The following TDRD5 variants were observed in gnomAD, a reference collection of about 807,000 sequenced individuals.
TDRD5 encodes the protein tudor domain containing 5.
A neutral mutation model predicts 120.6 loss-of-function variants in TDRD5; 41 were observed. The observed-to-expected ratio is 0.34, with a 90% CI of 0.26 to 0.44. The LOEUF is 0.44. TDRD5 is among the 20% of genes least tolerant of loss of function. The probability of loss-of-function intolerance (pLI) is 1.00; values close to 1 mark genes in which losing one functional copy is unlikely to be tolerated. For missense variants in TDRD5, 1,006 were observed against 1,221.2 expected (o/e 0.82, Z 2.63); for synonymous variants, 430 against 433.7 (o/e 0.99, Z 0.11).
intron 2 of TDRD5, among the ~76,000 whole-genome samples, chr1:179,593,078 A>G (rs750276452): frequency 2.0e-5 from 3 of 152,226 alleles, no homozygotes; most frequent in Non-Finnish European, 2.9e-5. Context: ...ATTTTTACAT[A>G]TGATTTCAGG....
At chr1:179,621,173 G>T in intron 6 of TDRD5, 82 bp downstream of exon 6, 1 of 1,211,232 alleles carries the variant, frequency 8.3e-7, no homozygotes, top group Non-Finnish European at 1.2e-6. Flanking sequence ...GCTACTCCTT[G>T]GATTCTCCAG....
Position 179,648,340 on chromosome 1 carries a change from C to T in TDRD5, c.1801-2527C>T, listed in dbSNP as rs528760819. Among the ~76,000 whole-genome samples, 667 of 142,404 alleles carry T rather than the reference C, an allele frequency of 4.7e-3. 5 individuals are homozygous for T. Among genetic ancestry groups the T allele is most frequent in the Non-Finnish European group, 7.3e-3 (471 of 64,792 alleles). 93.4% of individuals were successfully genotyped at this position (142,404 alleles called of 152,430 possible). Reference sequence around the variant, plus strand: ...GAAATCATCATTCTCAGTAAACTATCGCAAGAACAGAAAACCAAACACCGC... The same window carrying T: ...GAAATCATCATTCTCAGTAAACTATTGCAAGAACAGAAAACCAAACACCGC... On this transcript the variant is annotated intron_variant, in intron 11 of 17. Transcript: ENST00000444136.
In TDRD5 at chr1:179,634,539, G is replaced by T. The variant is rs373662989; in HGVS notation, c.1209G>T (p.Glu403Asp). The T allele has an allele frequency of 6.2e-7, 1 of 1,613,924 alleles. No homozygotes were observed. Among genetic ancestry groups the T allele is most frequent in the African/African-American group, 1.3e-5 (1 of 74,992 alleles). Reference protein sequence around the residue: ...RNSLSTAAVKETVWNCPSKKQ... With the variant: ...RNSLSTAAVKDTVWNCPSKKQ... ...CATTGTCTACTGCTGCTGTCAAAGA[G>T]ACTGTATGGAATTGCCCTTCAAAAA... Residue 403 changes from glutamate to aspartate, a missense_variant, in exon 8 of 18, where the codon GAG becomes GAT. This residue lies in a region of TDRD5 where 445 missense variants were observed against 515.5 expected (regional missense o/e 0.86). Transcript: ENST00000444136.
chr1:179,592,522 T>C (rs1675165840), intron 1 of TDRD5, 80 bp from the exon 2 acceptor site: 1 of 1,128,892 alleles, frequency 8.9e-7, no homozygotes. Flanking sequence ...TCTCAGTTAT[T>C]TGTATCCCAC....
At chr1:179,634,889 C>T (rs1023944608) in intron 8 of TDRD5, among the ~76,000 whole-genome samples, 2 of 152,164 alleles carry the variant, frequency 1.3e-5, no homozygotes, top group South Asian at 4.1e-4. Flanking sequence ...CTCATGATGT[C>T]TTGAAAACCC....
At chr1:179,600,399 A>G (rs960749559) in intron 4 of TDRD5, among the ~76,000 whole-genome samples, 2 of 152,208 alleles carry the variant, frequency 1.3e-5, no homozygotes, top group African/African-American at 2.4e-5. Flanking sequence ...GTACAGTAAC[A>G]TGCTGTACAG....
At chr1:179,614,288 A>G (rs1676444158) in intron 4 of TDRD5, among the ~76,000 whole-genome samples, 1 of 152,166 alleles carries the variant, frequency 6.6e-6, no homozygotes, top group Non-Finnish European at 1.5e-5. Flanking sequence ...TTCTAATGCA[A>G]CATAATTTTA....
intron 6 of TDRD5, among the ~76,000 whole-genome samples, chr1:179,629,868 A>T (rs758921614): frequency 1.3e-5 from 2 of 152,134 alleles, no homozygotes; most frequent in Non-Finnish European, 2.9e-5. Flanking sequence ...TCTATCCCAT[A>T]TATATTGTCT....
chr1:179,612,750 C>T (rs1008945791), intron 4 of TDRD5, among the ~76,000 whole-genome samples: 3 of 151,944 alleles, frequency 2.0e-5, no homozygotes, highest in Non-Finnish European at 4.4e-5. Context: ...GCCTGGGCAA[C>T]ATGGTGAAAC....
chr1:179,642,142 C>T (rs562305619), intron 11 of TDRD5, among the ~76,000 whole-genome samples: 20 of 151,648 alleles, frequency 1.3e-4, no homozygotes, highest in African/African-American at 4.6e-4. Context: ...CCTTCATTGC[C>T]CAGGCTGGAG....
intron 17 of TDRD5, among the ~76,000 whole-genome samples, chr1:179,686,426 G>C (rs1680715358): frequency 6.6e-6 from 1 of 152,188 alleles, no homozygotes; most frequent in Admixed American, 6.5e-5. Context: ...TTTTTGATGT[G>C]CTGCTGGATT....
intron 14 of TDRD5, among the ~76,000 whole-genome samples, chr1:179,654,636 G>A (rs535109169): frequency 1.3e-5 from 2 of 152,214 alleles, no homozygotes; most frequent in East Asian, 1.9e-4. Context: ...AGCCATAGTG[G>A]CATGTGCCTG....
At chr1:179,618,778 T>A in intron 5 of TDRD5, 96 bp downstream of exon 5, 1 of 823,318 alleles carries the variant, frequency 1.2e-6, no homozygotes, top group Non-Finnish European at 1.8e-6. Context: ...AATTTACATC[T>A]AATCTTTAAT....
At chr1:179,596,502 A>C (rs777014250) in intron 4 of TDRD5, among the ~76,000 whole-genome samples, 16 of 152,240 alleles carry the variant, frequency 1.1e-4, no homozygotes, top group Non-Finnish European at 2.2e-4. Context: ...CCCCAACTGC[A>C]GCCACAGACA....
At chr1:179,664,569 A>T (rs954065709) in intron 16 of TDRD5, among the ~76,000 whole-genome samples, 2 of 152,070 alleles carry the variant, frequency 1.3e-5, no homozygotes, top group African/African-American at 4.8e-5. Context: ...GTTTTCTGTG[A>T]TTGTCTTCTT....
chr1:179,643,430 A>G (rs1171092384), intron 11 of TDRD5, among the ~76,000 whole-genome samples: 2 of 152,228 alleles, frequency 1.3e-5, no homozygotes, highest in East Asian at 3.8e-4. Flanking sequence ...CAAAGACTTT[A>G]AAGCAGCTAT....
Position 179,669,291 on chromosome 1 carries a change from G to A in TDRD5, c.2747G>A (p.Ser916Asn). ...LTQSEQSADG[S>N]QSEPNNSQTQ... ...CAGTCAGAGCAGTCAGCAGACGGGA[G>A]CCAGTCTGAACCCAACAACAGTCAG... The change falls in exon 17 of 18, where the codon AGC becomes AAC. Residue 916 changes from serine to asparagine, a missense_variant. Ser to Asn is a conservative substitution (Grantham distance 46). This residue lies in a region of TDRD5 where 403 missense variants were observed against 448.1 expected (regional missense o/e 0.90). Transcript: ENST00000444136. The A allele has an allele frequency of 6.2e-7, 1 of 1,614,138 alleles. No individual in the cohort carries two copies. The highest frequency in any genetic ancestry group is 8.5e-7 in the Non-Finnish European group (1 of 1,180,026).
intron 17 of TDRD5, among the ~76,000 whole-genome samples, chr1:179,681,372 C>T (rs575745017): frequency 2.0e-5 from 3 of 152,174 alleles, no homozygotes; most frequent in Non-Finnish European, 2.9e-5. Flanking sequence ...TAGCTATTGT[C>T]GTTTTACTTT....
chr1:179,654,105 C>A (rs1414108685), intron 13 of TDRD5, 96 bp from the exon 14 acceptor site: 2 of 1,014,442 alleles, frequency 2.0e-6, no homozygotes, highest in Non-Finnish European at 2.8e-6. Flanking sequence ...TTTGTGTGAA[C>A]CATAGCAAAA....
Sources: allele counts gnomAD v4.1 joint callset (sites outside exome capture counted in the v4.1 genomes callset), GRCh38; gene constraint gnomAD v4.1.1; regional missense constraint gnomAD v4.1.1; transcripts MANE v1.5; gene names NCBI Gene and HGNC (gene_info 2026-07-23, HGNC 2026-07-21).